The following MTUS2 variants were observed in gnomAD, a reference collection of about 807,000 sequenced individuals.
The protein encoded by MTUS2 is microtubule associated scaffold protein 2.
MTUS2 carries 40 observed loss-of-function variants against 114.1 expected under a neutral mutation model. The observed-to-expected ratio is 0.35, with a 90% CI of 0.27 to 0.46. The LOEUF is 0.46. Among genes scored for constraint, MTUS2 ranks in the 20% least tolerant of loss-of-function variants. The pLI is 1.00. For synonymous variants in MTUS2, 688 were observed against 672.0 expected, an observed-to-expected ratio of 1.02 and a Z score of -0.37; for missense variants, 1,679 against 1,705.4, an observed-to-expected ratio of 0.98 and a Z score of 0.27.
chr13:29,151,668 G>A (rs1892668748), intron 5 of MTUS2, among the ~76,000 whole-genome samples: 1 of 152,076 alleles, frequency 6.6e-6, no homozygotes, highest in African/African-American at 2.4e-5. Context: ...GTTGGCTATG[G>A]GTTTGCCATA....
At chr13:28,909,335 T>G (rs974096106) in intron 2 of MTUS2, among the ~76,000 whole-genome samples, 1 of 151,970 alleles carries the variant, frequency 6.6e-6, no homozygotes, top group African/African-American at 2.4e-5. Flanking sequence ...TGGAATGTTC[T>G]TCCATTTGTT....
intron 8 of MTUS2, among the ~76,000 whole-genome samples, chr13:29,411,325 GTTTATC>G (rs1224015230): frequency 1.3e-5 from 2 of 152,146 alleles, no homozygotes; most frequent in African/African-American, 4.8e-5. Context: ...TTATTAAAAT[GTTTATC>G]TTTGTCTCAG....
intron 2 of MTUS2, among the ~76,000 whole-genome samples, chr13:28,844,111 A>G (rs1455740822): frequency 6.6e-6 from 1 of 152,214 alleles, no homozygotes; most frequent in Non-Finnish European, 1.5e-5. Context: ...TCTTAATACA[A>G]TGTGGATTTC....
intron 4 of MTUS2, among the ~76,000 whole-genome samples, chr13:29,050,271 T>C (rs1249774050): frequency 6.6e-6 from 1 of 152,192 alleles, no homozygotes; most frequent in African/African-American, 2.4e-5. Flanking sequence ...TTACCTGTTA[T>C]GGTCAAAATG....
At chr13:29,065,773 C>T (rs1411468963) in intron 4 of MTUS2, among the ~76,000 whole-genome samples, 3 of 152,192 alleles carry the variant, frequency 2.0e-5, no homozygotes, top group African/African-American at 7.2e-5. Context: ...ATTACTTAAT[C>T]TATACCTCTC....
Position 29,505,045 on chromosome 13 carries a change from C to G in MTUS2, c.*1839C>G, listed in dbSNP as rs1308782610. On this transcript the variant is annotated 3_prime_UTR_variant, in exon 16 of 16. Coordinates refer to ENST00000612955, the MANE Select transcript of MTUS2 (RefSeq NM_001033602.4). ...GGGTCTTGCTCCTTCTGGGGACGTA[C>G]ACAGTAAATCCACATGGAAACACCA... is the stretch of plus-strand genomic sequence containing the variant. 3.4e-5 allele frequency: 8 copies of G among 232,368 alleles called. No homozygotes were observed. In the East Asian group the frequency reaches 4.8e-4, roughly 14 times the overall value. 14.4% of individuals were successfully genotyped at this position (232,368 alleles called of 1,614,324 possible). A position where few individuals can be genotyped will look rare whatever the true frequency, so the allele number is the denominator to read the frequency against.
intron 2 of MTUS2, among the ~76,000 whole-genome samples, chr13:28,905,932 G>T (rs377473559): frequency 1.3e-5 from 2 of 151,520 alleles, no homozygotes; most frequent in Non-Finnish European, 2.9e-5. Context: ...CAATTTCAGA[G>T]CCTGTTATTG....
chr13:29,056,285 C>T (rs537917756), intron 4 of MTUS2, among the ~76,000 whole-genome samples: 61 of 152,156 alleles, frequency 4.0e-4, no homozygotes, highest in African/African-American at 1.4e-3. Context: ...GATTCAGTTT[C>T]CATCTTCTGC....
At chr13:29,141,669 A>G (rs1031855288) in intron 5 of MTUS2, among the ~76,000 whole-genome samples, 2 of 152,180 alleles carry the variant, frequency 1.3e-5, no homozygotes, top group Admixed American at 6.5e-5. Flanking sequence ...CCTTTGGTCA[A>G]AGGTGCTTAA....
In MTUS2 at chr13:29,148,703, C is replaced by T. The variant is rs921904311; in HGVS notation, c.2644+47733C>T. Reference sequence around the variant, plus strand: ...CCGTTTTAGCCGGGATGGTCTCGATCTCCTGACCTCGTGATCCGCCCGCCT... The same window carrying T: ...CCGTTTTAGCCGGGATGGTCTCGATTTCCTGACCTCGTGATCCGCCCGCCT... On this transcript the variant is annotated intron_variant, in intron 5 of 15. Coordinates refer to ENST00000612955, the MANE Select transcript of MTUS2 (RefSeq NM_001033602.4). Among the ~76,000 whole-genome samples, 6 of 121,470 alleles carry T rather than the reference C, an allele frequency of 4.9e-5. 1 individual carries two copies. Among genetic ancestry groups the T allele is most frequent in the African/African-American group, 1.5e-4 (6 of 39,406 alleles). The allele number at this position is 121,470 out of a possible 152,430, so 79.7% of individuals were successfully genotyped here. A position where few individuals can be genotyped will look rare whatever the true frequency, so the allele number is the denominator to read the frequency against.
At chr13:29,357,756 C>T (rs907419098) in intron 7 of MTUS2, among the ~76,000 whole-genome samples, 1 of 152,224 alleles carries the variant, frequency 6.6e-6, no homozygotes, top group African/African-American at 2.4e-5. Flanking sequence ...AGTGATTTCA[C>T]ATTCTCCTAT....
intron 5 of MTUS2, among the ~76,000 whole-genome samples, chr13:29,127,312 T>C (rs957948113): frequency 1.3e-5 from 2 of 152,220 alleles, no homozygotes; most frequent in African/African-American, 4.8e-5. Context: ...TACCCAGTTA[T>C]TCACTGGACA....
intron 8 of MTUS2, among the ~76,000 whole-genome samples, chr13:29,407,905 T>C (rs891153216): frequency 1.3e-5 from 2 of 152,236 alleles, no homozygotes; most frequent in Non-Finnish European, 2.9e-5. Flanking sequence ...GGTGTCATAT[T>C]GTGGCTTTTA....
intron 2 of MTUS2, among the ~76,000 whole-genome samples, chr13:28,980,037 T>C (rs112479574): frequency 0.012 from 1,884 of 152,296 alleles, 34 homozygotes; most frequent in African/African-American, 0.043. Context: ...GGAACTTTCT[T>C]ATGCTTAGGC....
At chr13:29,262,662 T>C (rs1034893870) in intron 5 of MTUS2, among the ~76,000 whole-genome samples, 2 of 152,060 alleles carry the variant, frequency 1.3e-5, no homozygotes, top group Non-Finnish European at 1.5e-5. Context: ...CTGGGAAAAC[T>C]ACCCCCTAGA....
chr13:29,304,608 C>T (rs1839260068), intron 6 of MTUS2, among the ~76,000 whole-genome samples: 1 of 152,114 alleles, frequency 6.6e-6, no homozygotes, highest in Non-Finnish European at 1.5e-5. Flanking sequence ...TATATATGCA[C>T]CCAATACATA....
chr13:29,104,486 C>G (rs537199316), intron 5 of MTUS2, among the ~76,000 whole-genome samples: 1 of 152,354 alleles, frequency 6.6e-6, no homozygotes, highest in Non-Finnish European at 1.5e-5. Context: ...TGTCAGCCAG[C>G]CCCTGCGGGA....
intron 5 of MTUS2, among the ~76,000 whole-genome samples, chr13:29,252,537 T>C (rs573503584): frequency 6.6e-6 from 1 of 152,256 alleles, no homozygotes; most frequent in Non-Finnish European, 1.5e-5. Flanking sequence ...GCCAGAAAAC[T>C]CCTTCCAACA....
At chr13:28,903,144 ATATAT>A (rs1205179837) in intron 2 of MTUS2, among the ~76,000 whole-genome samples, 14 of 152,162 alleles carry the variant, frequency 9.2e-5, no homozygotes, top group Admixed American at 9.2e-4. Context: ...TCTTTTAGAA[ATATAT>A]TATTTTAGTT....
Sources: allele counts gnomAD v4.1 joint callset (sites outside exome capture counted in the v4.1 genomes callset), GRCh38; gene constraint gnomAD v4.1.1; transcripts MANE v1.5; gene names NCBI Gene and HGNC (gene_info 2026-07-23, HGNC 2026-07-21).